The following CACNA1D variants were observed in gnomAD, a reference collection of about 807,000 sequenced individuals.
CACNA1D encodes the protein calcium voltage-gated channel subunit alpha1 D.
Under a neutral mutation model 257.1 loss-of-function variants are expected in CACNA1D, and 55 were observed. The ratio of observed to expected loss-of-function variants is 0.21; its 90% CI spans 0.17 to 0.27. The LOEUF (loss-of-function observed/expected upper bound fraction) is 0.27. Among genes scored for constraint, CACNA1D ranks in the 10% least tolerant of loss-of-function variants. The pLI is 1.00. For synonymous variants in CACNA1D, 980 were observed against 1,014.9 expected, an observed-to-expected ratio of 0.97 and a Z score of 0.65; for missense variants, 1,876 against 2,784.0, an observed-to-expected ratio of 0.67 and a Z score of 7.34.
chr3:53,627,817 A>G (rs2093777204), intron 3 of CACNA1D, among the ~76,000 whole-genome samples: 2 of 152,228 alleles, frequency 1.3e-5, no homozygotes, highest in South Asian at 2.1e-4. Context: ...GTTCGAGACC[A>G]GCCTGGCCAA....
chr3:53,739,948 C>T (rs1158382519), intron 20 of CACNA1D, among the ~76,000 whole-genome samples: 4 of 152,200 alleles, frequency 2.6e-5, no homozygotes, highest in African/African-American at 9.7e-5. Flanking sequence ...TTATTTGGTG[C>T]CACAAGTCGT....
At chr3:53,508,789 G>A (rs1185566472) in intron 3 of CACNA1D, among the ~76,000 whole-genome samples, 3 of 152,200 alleles carry the variant, frequency 2.0e-5, no homozygotes, top group Non-Finnish European at 2.9e-5. Context: ...AATACCAGTG[G>A]CGGTGGGGAC....
chr3:53,633,059 T>C (rs1422544614), intron 3 of CACNA1D, among the ~76,000 whole-genome samples: 1 of 152,220 alleles, frequency 6.6e-6, no homozygotes, highest in African/African-American at 2.4e-5. Flanking sequence ...AAAATTGCAT[T>C]GTCTGTGAAG....
At chr3:53,608,234 A>G (rs531933891) in intron 3 of CACNA1D, among the ~76,000 whole-genome samples, 7 of 152,188 alleles carry the variant, frequency 4.6e-5, no homozygotes, top group Non-Finnish European at 7.4e-5. Context: ...ATGCATCCCT[A>G]TATCATTTGT....
intron 3 of CACNA1D, among the ~76,000 whole-genome samples, chr3:53,580,100 T>C (rs2093106146): frequency 6.6e-6 from 1 of 152,192 alleles, no homozygotes; most frequent in South Asian, 2.1e-4. Context: ...AAAATGACCT[T>C]CTCTGCTCCT....
chr3:53,514,472 C>T (rs981292750), intron 3 of CACNA1D, among the ~76,000 whole-genome samples: 21 of 152,258 alleles, frequency 1.4e-4, no homozygotes, highest in African/African-American at 4.6e-4. Context: ...GGCATAGAAA[C>T]TTTCCAGGTT....
intron 8 of CACNA1D, among the ~76,000 whole-genome samples, chr3:53,676,672 C>T (rs965315072): frequency 3.9e-5 from 6 of 152,236 alleles, no homozygotes; most frequent in African/African-American, 1.2e-4. Flanking sequence ...TTGGCTCCGT[C>T]ATGTGTGTGG....
At chr3:53,756,827 T>A (rs577588210) in intron 29 of CACNA1D, among the ~76,000 whole-genome samples, 1 of 152,194 alleles carries the variant, frequency 6.6e-6, no homozygotes, top group African/African-American at 2.4e-5. Context: ...GGGATTCTCT[T>A]TGTGGGATGT....
intron 3 of CACNA1D, among the ~76,000 whole-genome samples, chr3:53,599,177 A>C (rs2093410385): frequency 6.6e-6 from 1 of 152,250 alleles, no homozygotes; most frequent in Non-Finnish European, 1.5e-5. Flanking sequence ...TAGCTTAAAA[A>C]TATTTTAAAG....
At chr3:53,753,397 C>G (rs978722764) in intron 28 of CACNA1D, among the ~76,000 whole-genome samples, 175 bp from the exon 29 acceptor site, 7 of 152,202 alleles carry the variant, frequency 4.6e-5, no homozygotes, top group Non-Finnish European at 1.0e-4. Context: ...CACAGACCCT[C>G]CTGCACTTTG....
In CACNA1D at chr3:53,800,224, T is replaced by C; in HGVS notation, c.4924-25T>C. 3 of 1,529,718 alleles carry C rather than the reference T, an allele frequency of 2.0e-6. No homozygotes were observed. The highest frequency in any genetic ancestry group is 2.7e-6 in the Non-Finnish European group (3 of 1,102,784). 94.8% of individuals were successfully genotyped at this position (1,529,718 alleles called of 1,614,324 possible). On this transcript the variant is annotated intron_variant, in intron 40 of 47. Coordinates refer to ENST00000350061, the MANE Select transcript of CACNA1D (RefSeq NM_001128840.3). This position sits in a 1 kb window ranked among gnomAD's most constrained non-coding sequence, Gnocchi z 4.3. ...CCCAGGGCCCATGTGTGGTCTAACC[T>C]GTTCTGCCATTTTCATTGATCTAGG...
intron 3 of CACNA1D, chr3:53,530,315 T>C (rs2091905779): frequency 6.6e-6 from 1 of 152,206 alleles, no homozygotes; most frequent in Non-Finnish European, 1.5e-5. Flanking sequence ...TGGAAGAGTT[T>C]TGGGTGTGTG....
intron 3 of CACNA1D, among the ~76,000 whole-genome samples, chr3:53,520,890 C>CTTTCTTTCTTTCTTTCTTTCT (rs1366127073): frequency 2.4e-4 from 29 of 120,638 alleles, no homozygotes; most frequent in South Asian, 1.5e-3. Context: ...TTCTTTCTTT[C>CTTTCTTTCTTTCTTTCTTTCT]TTTCTTTTCT....
At chr3:53,626,227 A>C (rs565728831) in intron 3 of CACNA1D, among the ~76,000 whole-genome samples, 1 of 152,262 alleles carries the variant, frequency 6.6e-6, no homozygotes, top group African/African-American at 2.4e-5. Flanking sequence ...TCATGGTCAG[A>C]GGGATGAAGA....
intron 3 of CACNA1D, among the ~76,000 whole-genome samples, chr3:53,572,077 C>T (rs987016713): frequency 4.6e-5 from 7 of 152,212 alleles, no homozygotes; most frequent in African/African-American, 1.7e-4. Flanking sequence ...TCTCTCTTTA[C>T]ATGCTGTTAA....
intron 3 of CACNA1D, among the ~76,000 whole-genome samples, chr3:53,613,442 G>A (rs996193811): frequency 2.6e-5 from 4 of 152,054 alleles, no homozygotes; most frequent in Non-Finnish European, 4.4e-5. Context: ...GAAACCAGAC[G>A]TTGTAATTCT....
At chr3:53,501,116 T>C (rs1335090349) in intron 2 of CACNA1D, among the ~76,000 whole-genome samples, 1 of 152,200 alleles carries the variant, frequency 6.6e-6, no homozygotes, top group Non-Finnish European at 1.5e-5. Context: ...TGGCTTGGCC[T>C]GGCCCAGTCC....
intron 9 of CACNA1D, chr3:53,710,321 CG>C: frequency 2.3e-6 from 1 of 440,988 alleles, no homozygotes; most frequent in South Asian, 1.6e-5. Flanking sequence ...GGGCTGGCCG[CG>C]TGGGGCCCTG....
chr3:53,501,989 CTG>C (rs1443978799), intron 3 of CACNA1D, among the ~76,000 whole-genome samples: 3 of 151,382 alleles, frequency 2.0e-5, no homozygotes, highest in Non-Finnish European at 2.9e-5. Context: ...TTTAAAATAA[CTG>C]TTATCTCCAC....
Sources: allele counts gnomAD v4.1 joint callset (sites outside exome capture counted in the v4.1 genomes callset), GRCh38; gene constraint gnomAD v4.1.1; non-coding constraint Gnocchi (gnomAD v3.1); transcripts MANE v1.5; gene names NCBI Gene and HGNC (gene_info 2026-07-23, HGNC 2026-07-21).